Variants in ENPP2 observed in about 807,000 individuals in gnomAD.
The protein encoded by ENPP2 is ectonucleotide pyrophosphatase/phosphodiesterase 2.
Under a neutral mutation model 120.2 loss-of-function variants are expected in ENPP2, and 51 were observed. The observed-to-expected ratio is 0.42, with a 90% CI of 0.34 to 0.54. The LOEUF (loss-of-function observed/expected upper bound fraction) is 0.54. Ranked by LOEUF, ENPP2 falls within the 20% of genes least tolerant of loss-of-function variation. ENPP2 has a pLI of 0.04. For missense variants in ENPP2, 920 were observed against 1,066.5 expected (o/e 0.86, Z 1.91); for synonymous variants, 365 against 366.4 (o/e 1.00, Z 0.04).
intron 22 of ENPP2, among the ~76,000 whole-genome samples, chr8:119,566,740 C>T (rs1814483023): frequency 6.6e-6 from 1 of 152,010 alleles, no homozygotes; most frequent in Non-Finnish European, 1.5e-5. Context: ...AAAAACACAT[C>T]AATAAAGAAT....
chr8:119,659,320 T>TAAAAAAAAAAAAAAA (rs750701293), intron 1 of ENPP2, among the ~76,000 whole-genome samples: 14 of 64,882 alleles, frequency 2.2e-4, no homozygotes, highest in South Asian at 8.4e-4. Flanking sequence ...CTGTCTCAAT[T>TAAAAAAAAAAAAAAA]AAAAAAAAAA....
rs754548180 is a variant in ENPP2, at chr8:119,599,475, A to T, written c.972+1203T>A. On this transcript the variant is annotated intron_variant, in intron 11 of 24. Transcript: ENST00000075322. ...ATATGTTTACCTGTATTTCTAATTC[A>T]TCTGAAAACAATGAACTTAATTATA... is the stretch of plus-strand genomic sequence containing the variant. Among the ~76,000 whole-genome samples the T allele has an allele frequency of 2.0e-5, 3 of 152,320 alleles. No individual in the cohort carries two copies. The South Asian group carries it at 6.2e-4, about 32-fold the overall frequency.
At chr8:119,584,140 A>C (rs1398261602) in intron 15 of ENPP2, 91 bp from the exon 16 acceptor site, 2 of 832,590 alleles carry the variant, frequency 2.4e-6, no homozygotes, top group Non-Finnish European at 4.0e-6. Flanking sequence ...ATATCTAAGA[A>C]GGGGCTTTTG....
chr8:119,659,842 G>A (rs569385830), intron 1 of ENPP2, among the ~76,000 whole-genome samples: 5 of 152,250 alleles, frequency 3.3e-5, no homozygotes, highest in Admixed American at 3.3e-4. Flanking sequence ...CCATTTTCTG[G>A]CAGCCCTGAC....
At chr8:119,565,194 A>G (rs1188324498) in intron 22 of ENPP2, among the ~76,000 whole-genome samples, 2 of 152,088 alleles carry the variant, frequency 1.3e-5, no homozygotes, top group Non-Finnish European at 2.9e-5. Flanking sequence ...AACGTAGTTC[A>G]AAAGTCAGGA....
intron 9 of ENPP2, among the ~76,000 whole-genome samples, chr8:119,607,217 A>G (rs1213114124): frequency 6.6e-6 from 1 of 152,240 alleles, no homozygotes; most frequent in Non-Finnish European, 1.5e-5. Flanking sequence ...CAAAATAAAT[A>G]TAATATGTTG....
intron 19 of ENPP2, chr8:119,571,275 T>C (rs868273675): frequency 6.5e-6 from 1 of 152,834 alleles, no homozygotes; most frequent in Non-Finnish European, 1.5e-5. Flanking sequence ...GATCATTATA[T>C]GCATACAGCA....
At chr8:119,565,250 T>G (rs1262573480) in intron 22 of ENPP2, among the ~76,000 whole-genome samples, 1 of 152,090 alleles carries the variant, frequency 6.6e-6, no homozygotes, top group African/African-American at 2.4e-5. Context: ...AAGTAGGTGG[T>G]GTTTCCCAGG....
intron 8 of ENPP2, among the ~76,000 whole-genome samples, chr8:119,610,162 T>C (rs940358961): frequency 6.6e-6 from 1 of 152,038 alleles, no homozygotes; most frequent in African/African-American, 2.4e-5. Context: ...ATCAACTTAC[T>C]TGTAATCAGA....
At chr8:119,571,981 G>C (rs150701676) in intron 19 of ENPP2, 9 of 527,228 alleles carry the variant, frequency 1.7e-5, no homozygotes, top group Middle Eastern at 5.0e-4. Flanking sequence ...TAGTTCGGCT[G>C]CTCCAGCATT....
At chr8:119,610,897 T>C (rs2130657401) in intron 8 of ENPP2, among the ~76,000 whole-genome samples, 1 of 135,846 alleles carries the variant, frequency 7.4e-6, no homozygotes, top group South Asian at 2.1e-4. Context: ...AGTGAGATTC[T>C]GTCTTTAAAA....
chr8:119,619,099 C>G, intron 5 of ENPP2, 145 bp downstream of exon 5: 4 of 626,950 alleles, frequency 6.4e-6, no homozygotes, highest in Non-Finnish European at 1.1e-5. Flanking sequence ...CCTTTCGACT[C>G]ATGAATTACT....
At chr8:119,558,241 T>G (rs1813628270) in intron 24 of ENPP2, among the ~76,000 whole-genome samples, 1 of 152,180 alleles carries the variant, frequency 6.6e-6, no homozygotes, top group Non-Finnish European at 1.5e-5. Context: ...AACCACTCAG[T>G]TGACACATCT....
chr8:119,598,558 C>A (rs1424969711), intron 11 of ENPP2, among the ~76,000 whole-genome samples: 1 of 152,152 alleles, frequency 6.6e-6, no homozygotes, highest in Non-Finnish European at 1.5e-5. Flanking sequence ...TCTTAATTCA[C>A]ACAAACATAT....
chr8:119,593,981 T>C lies in ENPP2; in HGVS notation c.973-121A>G, dbSNP rs535140650. 1.2e-5 allele frequency: 8 copies of C among 692,694 alleles called. No individual in the cohort carries two copies. The South Asian group carries it at 1.2e-4, about 10-fold the overall frequency. 42.9% of individuals were successfully genotyped at this position (692,694 alleles called of 1,614,324 possible). On this transcript the variant is annotated intron_variant, in intron 11 of 24. Transcript: ENST00000075322. ...AACTTCCGGCCCAGAGGCAGAGCTT[T>C]GTCTGGGGAGATTTGCCTGCCATTC...
chr8:119,579,238 C>T (rs1159941327), intron 19 of ENPP2, among the ~76,000 whole-genome samples: 1 of 152,210 alleles, frequency 6.6e-6, no homozygotes, highest in Non-Finnish European at 1.5e-5. Context: ...TCATTATTTA[C>T]TGCCTCCACC....
intron 1 of ENPP2, among the ~76,000 whole-genome samples, chr8:119,659,215 G>A (rs1338066766): frequency 1.3e-5 from 2 of 151,428 alleles, no homozygotes; most frequent in African/African-American, 2.4e-5. Context: ...TACTCAGGAG[G>A]CTGAGATATA....
rs775687676 is a variant in ENPP2 at position 119,586,258 on chromosome 8, C to T, written c.1295G>A (p.Arg432His). Residue 432 changes from arginine to histidine, a missense_variant, in exon 15 of 25, where the codon CGT becomes CAT. Arg to His is a conservative substitution (Grantham distance 29). Coordinates refer to ENST00000075322, the MANE Select transcript of ENPP2 (RefSeq NM_001040092.3). ...TCTTCTGTTGTTGGCATAGTGCAAA[C>T]GTTTGGGAAGGTGCTGTTTCAAGTA... ...KPYLKQHLPK[R>H]LHYANNRRIE... 2 of 1,613,782 alleles carry T rather than the reference C, an allele frequency of 1.2e-6. No individual in the cohort carries two copies. Among genetic ancestry groups the T allele is most frequent in the Admixed American group, 1.7e-5 (1 of 59,994 alleles).
At position 119,661,668 on chromosome 8, in the gene ENPP2, G is replaced by T. The variant is rs542793264; in HGVS notation, c.21+11584C>A. ...TATGATCTAGCAATCCCACTACCAG[G>T]TGTATGTCCAAAGGAAATGAAATCA... On this transcript the variant is annotated intron_variant, in intron 1 of 25. Coordinates refer to the ENPP2 transcript ENST00000427067. 4.6e-5 allele frequency among the ~76,000 whole-genome samples: 7 copies of T among 152,258 alleles called. No homozygotes were observed. In the South Asian group the frequency reaches 1.4e-3, roughly 32 times the overall value.
Sources: gnomAD v4.1 joint callset for allele counts (sites outside exome capture counted in the v4.1 genomes callset) on GRCh38, gnomAD v4.1.1 for gene constraint, MANE v1.5 for transcripts, NCBI Gene and HGNC (gene_info 2026-07-23, HGNC 2026-07-21) for gene names.